The following GRID2 variants were observed in gnomAD, a reference collection of about 807,000 sequenced individuals.
The protein encoded by GRID2 is glutamate receptor ionotropic, delta-2.
A neutral mutation model predicts 114.8 loss-of-function variants in GRID2; 33 were observed. The observed-to-expected ratio is 0.29, with a 90% CI of 0.22 to 0.38. The LOEUF (loss-of-function observed/expected upper bound fraction) is 0.38. GRID2 is among the 10% of genes least tolerant of loss of function. The pLI, the probability that GRID2 is intolerant of heterozygous loss-of-function variation, is 1.00. For synonymous variants in GRID2, 505 were observed against 449.9 expected (o/e 1.12, Z -1.55); for missense variants, 1,184 against 1,257.7 (o/e 0.94, Z 0.89).
intron 1 of GRID2, among the ~76,000 whole-genome samples, chr4:92,447,840 C>A (rs947257207): frequency 3.9e-5 from 6 of 152,164 alleles, no homozygotes; most frequent in African/African-American, 9.7e-5. Context: ...GACCTAATAA[C>A]CTTCCAAAGG....
chr4:92,896,574 AG>A (rs1164211140), intron 2 of GRID2, among the ~76,000 whole-genome samples: 1 of 150,612 alleles, frequency 6.6e-6, no homozygotes, highest in Non-Finnish European at 1.5e-5. Flanking sequence ...ATATATATAT[AG>A]TCAATTGAAA....
intron 2 of GRID2, among the ~76,000 whole-genome samples, chr4:92,957,262 G>A (rs1030412105): frequency 1.3e-5 from 2 of 151,874 alleles, no homozygotes; most frequent in African/African-American, 2.4e-5. Flanking sequence ...TCTATGTTAT[G>A]TTGTAGGAGT....
Position 93,806,428 on chromosome 4 carries a change from C to A in GRID2, c.222-287C>A, listed in dbSNP as rs79221960. 9.3e-3 allele frequency among the ~76,000 whole-genome samples: 1,415 copies of A among 152,274 alleles called. 25 individuals are homozygous for A. Among genetic ancestry groups the A allele is most frequent in the African/African-American group, 0.032 (1,330 of 41,552 alleles). ...GAAGTCCTTATCCACTCTAAACTACCAAAGTATCCTAATCCAGACCTGGAT... is the reference window on the plus strand; with the variant it reads ...GAAGTCCTTATCCACTCTAAACTACAAAAGTATCCTAATCCAGACCTGGAT... On this transcript the variant is annotated intron_variant, in intron 1 of 1. Coordinates refer to the GRID2 transcript ENST00000637838.
At chr4:92,869,303 G>T (rs1745107710) in intron 2 of GRID2, among the ~76,000 whole-genome samples, 1 of 152,140 alleles carries the variant, frequency 6.6e-6, no homozygotes, top group South Asian at 2.1e-4. Flanking sequence ...CGATGAAATG[G>T]ATAGGTACTC....
rs1730152620 is a variant in GRID2 at position 93,084,409 on chromosome 4, G to A, written c.245-586G>A. Among the ~76,000 whole-genome samples, 3 of 152,110 alleles carry A rather than the reference G, an allele frequency of 2.0e-5. 1 individual carries two copies. Among genetic ancestry groups the A allele is most frequent in the Admixed American group, 2.0e-4 (3 of 15,268 alleles). On this transcript the variant is annotated intron_variant, in intron 2 of 15. Coordinates refer to ENST00000282020, the MANE Select transcript of GRID2 (RefSeq NM_001510.4). ...GACCATAAGCTTTCTTACTGTCAAGGAAAATAACAAAAACATTTTTGTTTC... is the reference window on the plus strand; with the variant it reads ...GACCATAAGCTTTCTTACTGTCAAGAAAAATAACAAAAACATTTTTGTTTC...
intron 2 of GRID2, among the ~76,000 whole-genome samples, chr4:92,659,365 A>G (rs765078130): frequency 1.3e-5 from 2 of 151,512 alleles, no homozygotes; most frequent in African/African-American, 2.4e-5. Context: ...CAGGAAATCC[A>G]GTTGATTGCT....
intron 1 of GRID2, among the ~76,000 whole-genome samples, chr4:92,450,262 A>C (rs1350712741): frequency 1.3e-5 from 2 of 152,110 alleles, no homozygotes; most frequent in African/African-American, 4.8e-5. Context: ...TTATAATAGT[A>C]GAATGAATAG....
At chr4:92,708,049 G>T (rs918167261) in intron 2 of GRID2, among the ~76,000 whole-genome samples, 1 of 152,140 alleles carries the variant, frequency 6.6e-6, no homozygotes, top group East Asian at 1.9e-4. Flanking sequence ...GACAGAGAAG[G>T]CTATGGAAGT....
intron 2 of GRID2, among the ~76,000 whole-genome samples, chr4:92,913,818 G>C (rs942324833): frequency 2.0e-5 from 3 of 151,924 alleles, no homozygotes; most frequent in Non-Finnish European, 4.4e-5. Context: ...AATAAATAAA[G>C]TGAAACGACT....
At chr4:92,629,376 T>C (rs1437689127) in intron 2 of GRID2, among the ~76,000 whole-genome samples, 1 of 152,120 alleles carries the variant, frequency 6.6e-6, no homozygotes, top group Non-Finnish European at 1.5e-5. Flanking sequence ...ATAAGATCAT[T>C]TCAAACCTCC....
chr4:93,653,105 A>T (rs1193340474), intron 14 of GRID2, among the ~76,000 whole-genome samples: 1 of 152,186 alleles, frequency 6.6e-6, no homozygotes, highest in African/African-American at 2.4e-5. Context: ...TGAAGCTGGG[A>T]GACCAGTCAG....
intron 2 of GRID2, among the ~76,000 whole-genome samples, chr4:92,745,037 A>G (rs978137183): frequency 2.6e-5 from 4 of 152,186 alleles, no homozygotes; most frequent in Non-Finnish European, 5.9e-5. Flanking sequence ...TCTAGCACTC[A>G]GTCCTCTTGT....
chr4:92,733,400 G>A (rs1736426416), intron 2 of GRID2, among the ~76,000 whole-genome samples: 1 of 152,072 alleles, frequency 6.6e-6, no homozygotes, highest in South Asian at 2.1e-4. Flanking sequence ...GCTAATTCCA[G>A]GAAATGCTGT....
intron 2 of GRID2, among the ~76,000 whole-genome samples, chr4:93,015,556 C>T (rs1578756571): frequency 6.6e-6 from 1 of 152,116 alleles, no homozygotes; most frequent in Non-Finnish European, 1.5e-5. Flanking sequence ...AAGTGCTCAA[C>T]ACATAGGAAA....
chr4:92,935,573 A>G (rs1452162812), intron 2 of GRID2, among the ~76,000 whole-genome samples: 1 of 146,254 alleles, frequency 6.8e-6, no homozygotes, highest in African/African-American at 2.4e-5. Context: ...CTGCTATAAA[A>G]ACACACACAC....
intron 2 of GRID2, among the ~76,000 whole-genome samples, chr4:93,037,723 C>T (rs1176919993): frequency 2.0e-5 from 3 of 152,100 alleles, no homozygotes; most frequent in African/African-American, 2.4e-5. Context: ...TTGTTTTTGT[C>T]AGGTTTGTCA....
chr4:92,867,225 A>G (rs1346800361), intron 2 of GRID2, among the ~76,000 whole-genome samples: 4 of 152,194 alleles, frequency 2.6e-5, no homozygotes, highest in African/African-American at 9.6e-5. Context: ...ATTGTCTTTT[A>G]TAATTATTCA....
At chr4:92,798,856 T>C (rs1055608670) in intron 2 of GRID2, among the ~76,000 whole-genome samples, 2 of 152,004 alleles carry the variant, frequency 1.3e-5, no homozygotes, top group Non-Finnish European at 2.9e-5. Context: ...GTATGCTACT[T>C]GCATGGCTAC....
intron 2 of GRID2, among the ~76,000 whole-genome samples, chr4:92,836,757 A>G (rs1742489606): frequency 6.6e-6 from 1 of 152,132 alleles, no homozygotes; most frequent in South Asian, 2.1e-4. Flanking sequence ...AATTTAAAAT[A>G]GACCATATAA....
Sources: gnomAD v4.1 joint callset for allele counts (sites outside exome capture counted in the v4.1 genomes callset) on GRCh38, gnomAD v4.1.1 for gene constraint, MANE v1.5 for transcripts, NCBI Gene and HGNC (gene_info 2026-07-23, HGNC 2026-07-21) for gene names.